The following MROH2B variants were observed in gnomAD, a reference collection of about 807,000 sequenced individuals.
MROH2B encodes maestro heat-like repeat-containing protein family member 2B.
Under a neutral mutation model 208.6 loss-of-function variants are expected in MROH2B, and 177 were observed. The ratio of observed to expected loss-of-function variants is 0.85; its 90% CI spans 0.75 to 0.96. The LOEUF is 0.96. Ranked by LOEUF, MROH2B falls within the 40% of genes least tolerant of loss-of-function variation. MROH2B has a pLI of 0.00. For missense variants in MROH2B, 2,002 were observed against 1,878.7 expected, an observed-to-expected ratio of 1.07 and a Z score of -1.21; for synonymous variants, 728 against 659.0, an observed-to-expected ratio of 1.10 and a Z score of -1.60.
Position 41,004,767 on chromosome 5 carries a change from C to G in MROH2B, c.4011+7G>C, listed in dbSNP as rs1277494894. The G allele has an allele frequency of 2.5e-6, 4 of 1,611,754 alleles. No individual in the cohort carries two copies. Among genetic ancestry groups the G allele is most frequent in the Non-Finnish European group, 3.4e-6 (4 of 1,179,334 alleles). ...AATGAACCATTTCCCCTTAAAACGC[C>G]TTTTACCTTGTGAGGAGCCCCGGAT... On this transcript the variant is annotated splice_region_variant and intron_variant, in intron 36 of 41. Coordinates refer to ENST00000399564, the MANE Select transcript of MROH2B (RefSeq NM_173489.5).
intron 37 of MROH2B, among the ~76,000 whole-genome samples, chr5:41,002,872 T>A (rs1345375467): frequency 6.6e-6 from 1 of 151,986 alleles, no homozygotes; most frequent in East Asian, 1.9e-4. Context: ...TCTGAAGGGG[T>A]GACTTCAGCC....
At chr5:41,000,199 C>A in intron 39 of MROH2B, 21 bp downstream of exon 39, 1 of 1,609,166 alleles carries the variant, frequency 6.2e-7, no homozygotes, top group Non-Finnish European at 8.5e-7. Flanking sequence ...TTTTTGGAGG[C>A]GGCATCTATT....
Position 41,065,379 on chromosome 5 carries a change from G to A in MROH2B, c.313C>T (p.Pro105Ser), listed in dbSNP as rs1743770261. 3.7e-6 allele frequency: 6 copies of A among 1,613,310 alleles called. No individual in the cohort carries two copies. In the African/African-American group the frequency reaches 4.0e-5, roughly 11 times the overall value. Residue 105 changes from proline (P) to serine (S), a missense_variant, in exon 4 of 42, where the codon CCA becomes TCA. Transcript: ENST00000399564. ...VQSNFRILEL[P>S]DEFVVLALAE... ...AGGGCAAGCACAACGAATTCATCTG[G>A]TAGCTCTAAGATCCTGAAGTTACTT...
At chr5:41,027,342 G>T (rs898843820) in intron 24 of MROH2B, among the ~76,000 whole-genome samples, 5 of 152,078 alleles carry the variant, frequency 3.3e-5, no homozygotes, top group African/African-American at 9.7e-5. Context: ...AAATTTACAA[G>T]GAAAAATCAA....
rs555734461 is a variant in MROH2B at position 41,023,487 on chromosome 5, A to G, written c.2442-4469T>C. On this transcript the variant is annotated intron_variant, in intron 24 of 41. Coordinates refer to ENST00000399564, the MANE Select transcript of MROH2B (RefSeq NM_173489.5). ...TGAAATGAAGTGAGAAGAAAAGTTTAGAGAAAAAAGAGTAAAAAGAAATGA... is the reference window on the plus strand; with the variant it reads ...TGAAATGAAGTGAGAAGAAAAGTTTGGAGAAAAAAGAGTAAAAAGAAATGA... Among the ~76,000 whole-genome samples, 27 of 152,350 alleles carry G rather than the reference A, an allele frequency of 1.8e-4. No individual in the cohort carries two copies. In the South Asian group the frequency reaches 5.6e-3, roughly 32 times the overall value.
At position 41,057,805 on chromosome 5, in the gene MROH2B, C is replaced by G. The variant is rs1010886585; in HGVS notation, c.756+258G>C. Among the ~76,000 whole-genome samples the G allele has an allele frequency of 1.2e-4, 18 of 151,794 alleles. No homozygotes were observed. The East Asian group carries it at 3.5e-3, about 30-fold the overall frequency. ...AACTCCTGACCTCAAGTGATCCACCCGCCTCGGCCTCGCAAAGTGCTGAAA... is the reference window on the plus strand; with the variant it reads ...AACTCCTGACCTCAAGTGATCCACCGGCCTCGGCCTCGCAAAGTGCTGAAA... On this transcript the variant is annotated intron_variant, in intron 7 of 41. Coordinates refer to ENST00000399564, the MANE Select transcript of MROH2B (RefSeq NM_173489.5).
chr5:41,059,047 C>CA (rs1171278919), intron 6 of MROH2B, among the ~76,000 whole-genome samples: 18,254 of 72,840 alleles, frequency 0.25, 2,039 homozygotes, highest in East Asian at 0.39. Context: ...GACTCCATCT[C>CA]AAAAAAAAAA....
intron 24 of MROH2B, among the ~76,000 whole-genome samples, chr5:41,020,638 G>A (rs1474053355): frequency 6.8e-6 from 1 of 146,224 alleles, no homozygotes; most frequent in Non-Finnish European, 1.5e-5. Context: ...ATACTTAAAA[G>A]TTCAGAAATT....
chr5:41,043,300 A>C (rs962401325), intron 18 of MROH2B, among the ~76,000 whole-genome samples: 2 of 152,246 alleles, frequency 1.3e-5, no homozygotes, highest in Non-Finnish European at 2.9e-5. Context: ...ACCAGGTTGC[A>C]TCACCCCACT....
rs147896875 is a variant in MROH2B, at chr5:41,004,108, C to A, written c.4194+238G>T. Reference sequence around the variant, plus strand: ...AGGGTCCTTCCTAGGGCATTTCTTCCCCCAACAATTCTGGCTCAACTAGCT... The same window carrying A: ...AGGGTCCTTCCTAGGGCATTTCTTCACCCAACAATTCTGGCTCAACTAGCT... On this transcript the variant is annotated intron_variant, in intron 37 of 41. Transcript: ENST00000399564. Among the ~76,000 whole-genome samples the A allele has an allele frequency of 5.8e-3, 884 of 152,226 alleles. 7 individuals are homozygous for A. The highest frequency in any genetic ancestry group is 0.018 in the African/African-American group (743 of 41,518).
chr5:41,008,855 T>C (rs1741680007), intron 32 of MROH2B, 62 bp from the exon 33 acceptor site: 1 of 1,485,420 alleles, frequency 6.7e-7, no homozygotes, highest in Non-Finnish European at 9.1e-7. Context: ...ATCTTCTCTC[T>C]GGGCTGATTT....
intron 20 of MROH2B, among the ~76,000 whole-genome samples, chr5:41,039,125 A>G (rs1042909914): frequency 2.6e-5 from 4 of 152,050 alleles, no homozygotes; most frequent in Non-Finnish European, 5.9e-5. Flanking sequence ...TATTATATAT[A>G]CTTATCAGGC....
At chr5:41,024,388 G>A (rs1403216834) in intron 24 of MROH2B, among the ~76,000 whole-genome samples, 4 of 152,094 alleles carry the variant, frequency 2.6e-5, no homozygotes, top group African/African-American at 9.7e-5. Flanking sequence ...TGCAATCCTA[G>A]TCTCTGATAA....
intron 39 of MROH2B, 80 bp from the exon 40 acceptor site, chr5:40,999,859 C>T (rs771285304): frequency 7.3e-5 from 96 of 1,320,032 alleles, no homozygotes; most frequent in African/African-American, 8.8e-5. Context: ...GTCCTCAGAA[C>T]GGATTTGTAA....
chr5:41,009,982 G>A lies in MROH2B; in HGVS notation c.3233C>T (p.Ala1078Val). The A allele has an allele frequency of 6.2e-7, 1 of 1,613,838 alleles. No individual in the cohort carries two copies. The highest frequency in any genetic ancestry group is 8.5e-7 in the Non-Finnish European group (1 of 1,179,800). ...QFILEAISQI[A>V]SFHMDTVVVN... ...AACAACTGTATCCATGTGAAAGCTG[G>A]CTATCTGGGAGATGGCTTCTAGAAT... Residue 1078 changes from alanine to valine, a missense_variant, in exon 31 of 42, where the codon GCC becomes GTC. Coordinates refer to ENST00000399564, the MANE Select transcript of MROH2B (RefSeq NM_173489.5).
chr5:41,064,675 C>G (rs1743746733), intron 4 of MROH2B, 105 bp from the exon 5 acceptor site: 1 of 722,016 alleles, frequency 1.4e-6, no homozygotes, highest in Admixed American at 2.3e-5. Flanking sequence ...ACGGAGGAGG[C>G]AGATGAGGTG....
In MROH2B at chr5:40,998,132, A is replaced by G. The variant is rs376560865; in HGVS notation, c.4678T>C (p.Cys1560Arg). 1.3e-5 allele frequency: 21 copies of G among 1,612,236 alleles called. No homozygotes were observed. The African/African-American group carries it at 2.0e-4, about 15-fold the overall frequency. ...TRLQALRQDP[C>R]ISVQRAAEAA... ...TCAGCTGCTCTCTGGACACTAATAC[A>G]CGGATCTTGACGAAGTGCTTGGAGT... is the stretch of plus-strand genomic sequence containing the variant. The change falls in exon 42 of 42, where the codon TGT becomes CGT. Residue 1560 changes from cysteine (C) to arginine (R), a missense_variant. Physicochemically the swap from Cys to Arg is radical, Grantham distance 180. Coordinates refer to ENST00000399564, the MANE Select transcript of MROH2B (RefSeq NM_173489.5).
At chr5:41,034,956 A>G (rs1250237728) in intron 21 of MROH2B, among the ~76,000 whole-genome samples, 1 of 152,154 alleles carries the variant, frequency 6.6e-6, no homozygotes, top group African/African-American at 2.4e-5. Context: ...GATGACACAA[A>G]TAAATGGAAA....
At chr5:41,048,150 G>A (rs1176019210) in intron 16 of MROH2B, 174 bp downstream of exon 16, 2 of 681,854 alleles carry the variant, frequency 2.9e-6, no homozygotes, top group Middle Eastern at 4.4e-4. Context: ...ATGAATATTG[G>A]CAAGAAACAG....
Sources: allele counts gnomAD v4.1 joint callset (sites outside exome capture counted in the v4.1 genomes callset), GRCh38; gene constraint gnomAD v4.1.1; transcripts MANE v1.5; gene names NCBI Gene and HGNC (gene_info 2026-07-23, HGNC 2026-07-21).